JUP: variants seen among roughly 807,000 people sequenced by gnomAD.
JUP encodes junction plakoglobin.
In JUP, 28 loss-of-function variants were observed where a neutral mutation model predicts 71.1. The observed-to-expected ratio is 0.39, with a 90% CI of 0.29 to 0.54. The LOEUF is 0.54. Ranked by LOEUF, JUP falls within the 20% of genes least tolerant of loss-of-function variation. The pLI is 0.62. For synonymous variants in JUP, 401 were observed against 438.9 expected, an observed-to-expected ratio of 0.91 and a Z score of 1.08; for missense variants, 869 against 1,030.1, an observed-to-expected ratio of 0.84 and a Z score of 2.14.
At chr17:41,783,947 C>A (rs1189694943) in intron 1 of JUP, among the ~76,000 whole-genome samples, 2 of 150,386 alleles carry the variant, frequency 1.3e-5, no homozygotes, top group East Asian at 3.9e-4. Context: ...AAAGTCTTAC[C>A]TTGATCTTGA....
At chr17:41,769,715 G>T in intron 2 of JUP, 38 bp from the exon 3 acceptor site, 1 of 1,596,506 alleles carries the variant, frequency 6.3e-7, no homozygotes. Context: ...TGCAGGCAGT[G>T]GGCTGGGCAG....
At chr17:41,780,011 T>G (rs1175796139) in intron 1 of JUP, among the ~76,000 whole-genome samples, 2 of 151,970 alleles carry the variant, frequency 1.3e-5, no homozygotes, top group African/African-American at 4.8e-5. Flanking sequence ...AGGAGGAGTC[T>G]CCCCTAAATA....
intron 2 of JUP, among the ~76,000 whole-genome samples, chr17:41,770,449 G>A (rs1246753163): frequency 6.6e-6 from 1 of 152,202 alleles, no homozygotes; most frequent in Non-Finnish European, 1.5e-5. Context: ...AGTCGAGAAG[G>A]AGGAGACAGC....
At chr17:41,784,997 G>A (rs1428850992) in intron 1 of JUP, 2 of 151,946 alleles carry the variant, frequency 1.3e-5, no homozygotes, top group African/African-American at 4.8e-5. Context: ...TCAGGAAATT[G>A]GGAGCAGGGA....
intron 2 of JUP, among the ~76,000 whole-genome samples, chr17:41,770,000 A>G (rs1916401265): frequency 6.6e-6 from 1 of 151,896 alleles, no homozygotes; most frequent in African/African-American, 2.4e-5. Flanking sequence ...CGACCCTGCA[A>G]GGTAAGTACT....
In JUP at chr17:41,755,775, G is replaced by A. The variant is rs151178348; in HGVS notation, c.2207C>T (p.Pro736Leu). ...IDTYSDGLRP[P>L]YPTADHMLA is the part of the protein sequence containing the mutation. ...CAGCATGTGGTCTGCAGTGGGGTACGGGGGCCTGAGGCCGTCGCTGTAGGT... is the reference window on the plus strand; with the variant it reads ...CAGCATGTGGTCTGCAGTGGGGTACAGGGGCCTGAGGCCGTCGCTGTAGGT... Residue 736 changes from proline to leucine, a missense_variant, in exon 14 of 14, where the codon CCG becomes CTG. Physicochemically the swap from Pro to Leu is moderately conservative, Grantham distance 98 (BLOSUM62 -3). Coordinates refer to ENST00000393931, the MANE Select transcript of JUP (RefSeq NM_002230.4). 400 of 1,609,096 alleles carry A rather than the reference G, an allele frequency of 2.5e-4. No homozygotes were observed. Among genetic ancestry groups the A allele is most frequent in the Non-Finnish European group, 3.0e-4 (350 of 1,177,270 alleles).
chr17:41,775,704 G>A (rs922649145), intron 1 of JUP, among the ~76,000 whole-genome samples: 1 of 151,958 alleles, frequency 6.6e-6, no homozygotes. Context: ...CAGCACGGGA[G>A]GAAGAAGCCA....
intron 1 of JUP, chr17:41,784,956 G>C (rs1231063407): frequency 6.6e-6 from 1 of 151,314 alleles, no homozygotes; most frequent in African/African-American, 2.4e-5. Flanking sequence ...CCCTGATCAA[G>C]ATCCCCAATT....
chr17:41,772,142 G>A (rs1467526819), intron 1 of JUP: 2 of 527,348 alleles, frequency 3.8e-6, no homozygotes, highest in African/African-American at 1.9e-5. Context: ...TGAGCCCCAG[G>A]GGGCAGGACA....
At chr17:41,778,634 G>C (rs1366984014) in intron 1 of JUP, among the ~76,000 whole-genome samples, 1 of 152,026 alleles carries the variant, frequency 6.6e-6, no homozygotes, top group East Asian at 1.9e-4. Context: ...GGATGTTGCC[G>C]AGCACGGTGG....
chr17:41,757,612 CT>C (rs782808866), intron 11 of JUP, 21 bp downstream of exon 11: 1 of 1,613,942 alleles, frequency 6.2e-7, no homozygotes, highest in Non-Finnish European at 8.5e-7. Context: ...GGGACCCAGC[CT>C]CCTGCCCTCC....
chr17:41,771,659 GCACCCC>G lies in JUP; in HGVS notation c.190_195del (p.Gly64_Val65del). On this transcript the variant is annotated inframe_deletion, in exon 2 of 14. Coordinates refer to ENST00000393931, the MANE Select transcript of JUP (RefSeq NM_002230.4). ...CAGGGGTCCTGACCTTGGCTGGGGG[GCACCCC>G]CTGGGTGTAAGTGGTGGTTTTCTTG... 6.2e-7 allele frequency: 1 copy of G among 1,613,238 alleles called. No homozygotes were observed. Among genetic ancestry groups the G allele is most frequent in the Non-Finnish European group, 8.5e-7 (1 of 1,179,962 alleles).
At chr17:41,765,132 G>A (rs1029397951) in intron 5 of JUP, 65 bp from the exon 6 acceptor site, 37 of 1,481,888 alleles carry the variant, frequency 2.5e-5, no homozygotes, top group Non-Finnish European at 3.3e-5. Context: ...GGAAGCGCGG[G>A]ACAGGAGACA....
chr17:41,772,834 A>G, intron 1 of JUP: 1 of 985,472 alleles, frequency 1.0e-6, no homozygotes, highest in Non-Finnish European at 1.2e-6. Context: ...GTTAATGAGT[A>G]GCAGGGCCGA....
intron 4 of JUP, among the ~76,000 whole-genome samples, chr17:41,768,612 A>G (rs1916083011): frequency 6.6e-6 from 1 of 151,926 alleles, no homozygotes; most frequent in Non-Finnish European, 1.5e-5. Context: ...GGGGCCAGGA[A>G]ACAGAAAGTT....
chr17:41,764,534 GAAAAAAAAA>G lies in JUP; in HGVS notation c.1158+170_1158+178del, dbSNP rs1555603054. Among the ~76,000 whole-genome samples the G allele has an allele frequency of 6.5e-3, 549 of 83,938 alleles. 4 individuals carry two copies. The highest frequency in any genetic ancestry group is 0.031 in the African/African-American group (518 of 16,792). The allele number at this position is 83,938 out of a possible 152,430, so 55.1% of individuals were successfully genotyped here. ...TAGGTGACAGAGTGAGACTCCGTCA[GAAAAAAAAA>G]AAAAAAAAAAAAAAGAGATGAGGGT... On this transcript the variant is annotated intron_variant, in intron 7 of 13. Coordinates refer to ENST00000393931, the MANE Select transcript of JUP (RefSeq NM_002230.4).
At chr17:41,764,552 A>AAAC (rs1555603085) in intron 7 of JUP, among the ~76,000 whole-genome samples, 161 bp downstream of exon 7, 3 of 151,444 alleles carry the variant, frequency 2.0e-5, no homozygotes, top group Non-Finnish European at 3.0e-5. Flanking sequence ...AAAAAAAAAA[A>AAAC]AAAAAGAGAT....
At chr17:41,770,229 C>T (rs1229478930) in intron 2 of JUP, among the ~76,000 whole-genome samples, 2 of 152,168 alleles carry the variant, frequency 1.3e-5, no homozygotes, top group African/African-American at 2.4e-5. Context: ...GAACCACCAA[C>T]ATCACATCTC....
chr17:41,769,272 A>G, intron 3 of JUP, 65 bp from the exon 4 acceptor site: 1 of 1,564,038 alleles, frequency 6.4e-7, no homozygotes, highest in Non-Finnish European at 8.7e-7. Flanking sequence ...CCTTCCACAG[A>G]GCTGAGGAGG....
Sources: gnomAD v4.1 joint callset for allele counts (sites outside exome capture counted in the v4.1 genomes callset) on GRCh38, gnomAD v4.1.1 for gene constraint, MANE v1.5 for transcripts, NCBI Gene and HGNC (gene_info 2026-07-23, HGNC 2026-07-21) for gene names.